Variants in CRB1 observed in about 807,000 individuals in gnomAD.
CRB1 encodes the protein crumbs cell polarity complex component 1, also known as protein crumbs homolog 1.
CRB1 carries 83 observed loss-of-function variants against 120.0 expected under a neutral mutation model. That is an observed-to-expected ratio of 0.69 (90% CI 0.58 to 0.83). CRB1 has a LOEUF of 0.83. CRB1 is among the 40% of genes least tolerant of loss of function. The pLI is 0.00. For missense variants in CRB1, 1,699 were observed against 1,687.6 expected (o/e 1.01, Z -0.12); for synonymous variants, 625 against 612.5 (o/e 1.02, Z -0.30).
chr1:197,451,391 C>T (rs1181141412), intron 11 of CRB1, among the ~76,000 whole-genome samples: 2 of 152,156 alleles, frequency 1.3e-5, no homozygotes, highest in African/African-American at 4.8e-5. Flanking sequence ...GCCGAGATCA[C>T]CTGATACTTT....
Position 197,268,344 on chromosome 1 carries a change from C to G in CRB1, c.-69C>G. ...GGCACCCGCTCCTCTCTGAGACAGACAGGGATCAGGAGCCGGACTGGGACC... is the reference window on the plus strand; with the variant it reads ...GGCACCCGCTCCTCTCTGAGACAGAGAGGGATCAGGAGCCGGACTGGGACC... On this transcript the variant is annotated 5_prime_UTR_variant, in exon 1 of 12. Transcript: ENST00000367400. 1.8e-6 allele frequency: 2 copies of G among 1,132,726 alleles called. No homozygotes were observed. The highest frequency in any genetic ancestry group is 1.7e-5 in the Admixed American group (1 of 59,322). 70.2% of individuals were successfully genotyped at this position (1,132,726 alleles called of 1,614,324 possible).
At chr1:197,473,548 C>T (rs1474594630) in intron 11 of CRB1, among the ~76,000 whole-genome samples, 1 of 151,296 alleles carries the variant, frequency 6.6e-6, no homozygotes, top group African/African-American at 2.4e-5. Flanking sequence ...ATTAATCATA[C>T]ATACAATATA....
chr1:197,301,689 C>T (rs917664358), intron 1 of CRB1, among the ~76,000 whole-genome samples: 2 of 151,972 alleles, frequency 1.3e-5, no homozygotes, highest in African/African-American at 4.8e-5. Context: ...GTCAAAATAG[C>T]AACATTAACA....
At chr1:197,217,668 A>C in the CRB1 span, among the ~76,000 whole-genome samples, 7 of 152,136 alleles carry the variant, frequency 4.6e-5, no homozygotes, top group Non-Finnish European at 7.4e-5. Flanking sequence ...ATAGAGAGAG[A>C]GGGGAATGGG....
intron 5 of CRB1, among the ~76,000 whole-genome samples, chr1:197,386,820 G>C (rs1452258805): frequency 6.6e-6 from 1 of 152,100 alleles, no homozygotes; most frequent in Non-Finnish European, 1.5e-5. Flanking sequence ...GCTCTTTTAA[G>C]AAAATCGGAG....
chr1:197,312,962 T>G (rs1359673277), intron 1 of CRB1, among the ~76,000 whole-genome samples: 1 of 152,218 alleles, frequency 6.6e-6, no homozygotes, highest in Non-Finnish European at 1.5e-5. Flanking sequence ...TAGTCCATTC[T>G]CACACTGCTA....
chr1:197,391,836 C>T (rs993432372), intron 5 of CRB1, among the ~76,000 whole-genome samples: 4 of 151,978 alleles, frequency 2.6e-5, no homozygotes, highest in Non-Finnish European at 5.9e-5. Flanking sequence ...AACAGACCCT[C>T]CTACAGTAAT....
At chr1:197,216,201 T>G in the CRB1 span, among the ~76,000 whole-genome samples, 4 of 152,274 alleles carry the variant, frequency 2.6e-5, no homozygotes, top group East Asian at 7.7e-4. Flanking sequence ...TTAGTCATTT[T>G]CTCCTTGAAG....
intron 5 of CRB1, among the ~76,000 whole-genome samples, chr1:197,404,042 A>T (rs1022157470): frequency 6.6e-6 from 1 of 152,178 alleles, no homozygotes; most frequent in African/African-American, 2.4e-5. Flanking sequence ...AACCAAGCAG[A>T]TATCTTCTCT....
At chr1:197,240,951 TTGA>T in the CRB1 span, among the ~76,000 whole-genome samples, 2 of 152,210 alleles carry the variant, frequency 1.3e-5, no homozygotes, top group Non-Finnish European at 2.9e-5. Context: ...CTAATGACCA[TTGA>T]TGATGAACTT....
At chr1:197,358,326 A>G (rs1397694276) in intron 5 of CRB1, among the ~76,000 whole-genome samples, 2 of 152,162 alleles carry the variant, frequency 1.3e-5, no homozygotes, top group Non-Finnish European at 2.9e-5. Context: ...ATTATTTTTT[A>G]AATATTGGTT....
At chr1:197,368,589 C>A (rs1325408355) in intron 5 of CRB1, among the ~76,000 whole-genome samples, 1 of 152,122 alleles carries the variant, frequency 6.6e-6, no homozygotes, top group Non-Finnish European at 1.5e-5. Context: ...AATTTAAAGG[C>A]TAATATTTGG....
At chr1:197,388,811 C>T (rs1261663418) in intron 5 of CRB1, among the ~76,000 whole-genome samples, 1 of 151,710 alleles carries the variant, frequency 6.6e-6, no homozygotes, top group Non-Finnish European at 1.5e-5. Context: ...TTTATCTGTC[C>T]CAGGGATGGC....
Position 197,294,099 on chromosome 1 carries a change from A to C in CRB1, c.70+25617A>C, listed in dbSNP as rs1038367601. Among the ~76,000 whole-genome samples, 2 of 152,212 alleles carry C rather than the reference A, an allele frequency of 1.3e-5. 1 individual carries two copies. Among genetic ancestry groups the C allele is most frequent in the South Asian group, 4.1e-4 (2 of 4,828 alleles). On this transcript the variant is annotated intron_variant, in intron 1 of 11. Transcript: ENST00000367400. Reference sequence around the variant, plus strand: ...CAACTGAAGAGCTTCTGCACAGCAAAAGAAACTACCATCAGGGTGAAAAGG... The same window carrying C: ...CAACTGAAGAGCTTCTGCACAGCAACAGAAACTACCATCAGGGTGAAAAGG...
chr1:197,393,852 A>C (rs1571461734), intron 5 of CRB1, among the ~76,000 whole-genome samples: 1 of 152,102 alleles, frequency 6.6e-6, no homozygotes, highest in South Asian at 2.1e-4. Context: ...GTATCGAGAA[A>C]ACAGAATAAA....
chr1:197,266,313 A>G (rs1371166171), upstream of CRB1, among the ~76,000 whole-genome samples: 1 of 152,160 alleles, frequency 6.6e-6, no homozygotes, highest in African/African-American at 2.4e-5. Context: ...CCTGTTCCTC[A>G]TAGAAGGTTC....
chr1:197,261,077 T>C, the CRB1 span, among the ~76,000 whole-genome samples: 1 of 152,208 alleles, frequency 6.6e-6, no homozygotes, highest in African/African-American at 2.4e-5. Context: ...ATGCAAATGC[T>C]AAAAGAGGCT....
intron 6 of CRB1, among the ~76,000 whole-genome samples, chr1:197,423,654 T>C (rs1664442910): frequency 6.6e-6 from 1 of 152,156 alleles, no homozygotes; most frequent in South Asian, 2.1e-4. Context: ...CTACTGTACA[T>C]ATACGTGCAA....
chr1:197,315,624 C>T (rs1448267689), intron 1 of CRB1, among the ~76,000 whole-genome samples: 2 of 152,168 alleles, frequency 1.3e-5, no homozygotes, highest in Non-Finnish European at 2.9e-5. Context: ...AATATCCAAA[C>T]AAAGACAACC....
Sources: allele counts gnomAD v4.1 joint callset (sites outside exome capture counted in the v4.1 genomes callset), GRCh38; gene constraint gnomAD v4.1.1; transcripts MANE v1.5; gene names NCBI Gene and HGNC (gene_info 2026-07-23, HGNC 2026-07-21).